The following VBP1 variants were observed in gnomAD, a reference collection of about 807,000 sequenced individuals.
VBP1 encodes VHL binding protein 1.
Under a neutral mutation model 15.5 loss-of-function variants are expected in VBP1, and 4 were observed. The ratio of observed to expected loss-of-function variants is 0.26; its 90% CI spans 0.13 to 0.59. The LOEUF (loss-of-function observed/expected upper bound fraction) is 0.59. Ranked by LOEUF, VBP1 falls within the 20% of genes least tolerant of loss-of-function variation. The pLI, the probability that VBP1 is intolerant of heterozygous loss-of-function variation, is 0.90. For missense variants in VBP1, 108 were observed against 139.6 expected (o/e 0.77, Z 1.14); for synonymous variants, 61 against 52.1 (o/e 1.17, Z -0.74).
chrX:155,211,958 T>G (rs1432024930), upstream of VBP1, among the ~76,000 whole-genome samples: 3 of 112,288 alleles, frequency 2.7e-5, no homozygotes, highest in Non-Finnish European at 5.6e-5. Flanking sequence ...GAGGGCTTAC[T>G]AGGTACTGGG....
rs1602900682 is a variant in VBP1, at chrX:155,239,300, T to C, written c.*458T>C. On this transcript the variant is annotated 3_prime_UTR_variant, in exon 6 of 6. Coordinates refer to ENST00000286428, the MANE Select transcript of VBP1 (RefSeq NM_003372.7). ...AGGACTTAGTGGTCCTCTGTTGCTA[T>C]TGTCTTCTATAAGTGGAGTTTCATG... The C allele has an allele frequency of 8.9e-6, 1 of 112,736 alleles. No individual in the cohort carries two copies. The highest frequency in any genetic ancestry group is 3.2e-5 in the African/African-American group (1 of 30,839). 9.3% of individuals were successfully genotyped at this position (112,736 alleles called of 1,213,427 possible). A position where few individuals can be genotyped will look rare whatever the true frequency, so the allele number is the denominator to read the frequency against.
chrX:155,216,054 T>TCGTGATGG (rs1557308968), upstream of VBP1, among the ~76,000 whole-genome samples: 1 of 110,193 alleles, frequency 9.1e-6, no homozygotes, highest in African/African-American at 3.3e-5. Context: ...GGCTGAACCC[T>TCGTGATGG]CGTGATGGCG....
chrX:155,212,084 T>C (rs782192773), upstream of VBP1, among the ~76,000 whole-genome samples: 1 of 112,208 alleles, frequency 8.9e-6, no homozygotes, highest in South Asian at 3.7e-4. Context: ...AGTGTTAAAG[T>C]AACTAACCTA....
intron 1 of VBP1, among the ~76,000 whole-genome samples, chrX:155,208,453 A>C: frequency 8.9e-6 from 1 of 112,333 alleles, no homozygotes; most frequent in Non-Finnish European, 1.9e-5. Context: ...TGTTCATACT[A>C]AAGTATTTCA....
chrX:155,238,898 T>TGTAAGGATAAAGGGGTA lies in VBP1; in HGVS notation c.*56_*57insGTAAGGATAAAGGGGTA. The TGTAAGGATAAAGGGGTA allele has an allele frequency of 2.1e-6, 2 of 956,729 alleles. No homozygotes were observed. Among genetic ancestry groups the TGTAAGGATAAAGGGGTA allele is most frequent in the Non-Finnish European group, 2.9e-6 (2 of 698,738 alleles). 78.8% of individuals were successfully genotyped at this position (956,729 alleles called of 1,213,427 possible). On this transcript the variant is annotated 3_prime_UTR_variant, in exon 6 of 6. Coordinates refer to ENST00000286428, the MANE Select transcript of VBP1 (RefSeq NM_003372.7). Reference sequence around the variant, plus strand: ...CCAAACATGTTATCTTAAATACCCCTTTATCCTTACAGGTTGACATAACTT... The same window carrying TGTAAGGATAAAGGGGTA: ...CCAAACATGTTATCTTAAATACCCCTGTAAGGATAAAGGGGTATTATCCTTACAGGTTGACATAACTT...
chrX:155,225,198 C>G (rs1324359576), intron 2 of VBP1, among the ~76,000 whole-genome samples: 1 of 111,257 alleles, frequency 9.0e-6, no homozygotes, highest in Non-Finnish European at 1.9e-5. Context: ...CTACTTTGGC[C>G]AGTAATGTAC....
chrX:155,203,086 C>T (rs1403769014), intron 1 of VBP1, among the ~76,000 whole-genome samples: 2 of 111,684 alleles, frequency 1.8e-5, no homozygotes, highest in Non-Finnish European at 3.8e-5. Context: ...GTTAGAATGG[C>T]GATCATTAAA....
chrX:155,216,747 G>T (rs2074666568), intron 1 of VBP1, among the ~76,000 whole-genome samples, 172 bp downstream of exon 1: 1 of 112,020 alleles, frequency 8.9e-6, no homozygotes, highest in African/African-American at 3.2e-5. Context: ...TCTGCTGGGG[G>T]CCCGCCCGGA....
intron 4 of VBP1, among the ~76,000 whole-genome samples, chrX:155,232,343 G>C (rs1213420053): frequency 9.1e-6 from 1 of 109,589 alleles, no homozygotes; most frequent in African/African-American, 3.3e-5. Flanking sequence ...TTTTGTGGTA[G>C]CTCTTAGAAG....
chrX:155,208,800 T>A, intron 1 of VBP1: 1 of 599,829 alleles, frequency 1.7e-6, no homozygotes, highest in Middle Eastern at 3.4e-4. Context: ...CTTGTTCTCA[T>A]GGTACTATTG....
intron 2 of VBP1, among the ~76,000 whole-genome samples, chrX:155,211,365 A>G (rs782389986): frequency 4.4e-5 from 5 of 112,421 alleles, no homozygotes; most frequent in Middle Eastern, 9.2e-3. Flanking sequence ...TGATTCACAC[A>G]GTCAATAAAT....
At chrX:155,210,301 G>T (rs1294650516) in intron 2 of VBP1, among the ~76,000 whole-genome samples, 1 of 111,159 alleles carries the variant, frequency 9.0e-6, no homozygotes, top group East Asian at 2.8e-4. Flanking sequence ...ACAAAATAAA[G>T]AAATTAGCTG....
Position 155,228,396 on chromosome X carries a change from T to A in VBP1, c.298T>A (p.Ser100Thr), listed in dbSNP as rs2124087505. Residue 100 changes from serine to threonine, a missense_variant, in exon 4 of 6, where the codon TCA (serine) becomes ACA (threonine). By Grantham distance (58) the Ser-to-Thr change is moderately conservative. Transcript: ENST00000286428. ...TTTTGTTTTGAAGGAGTCCACCAAC[T>A]CAATGGAGACCAGATTCTTGCTGGC... ...YMQKKKESTN[S>T]METRFLLADN... is the part of the protein sequence containing the mutation. 1 of 1,203,993 alleles carries A rather than the reference T, an allele frequency of 8.3e-7. No homozygotes were observed. Among genetic ancestry groups the A allele is most frequent in the Non-Finnish European group, 1.1e-6 (1 of 890,867 alleles).
intron 1 of VBP1, among the ~76,000 whole-genome samples, chrX:155,203,979 T>C (rs1018842859): frequency 9.0e-6 from 1 of 111,547 alleles, no homozygotes; most frequent in Non-Finnish European, 1.9e-5. Flanking sequence ...TGCACAGCTA[T>C]CGGACCTTGT....
intron 1 of VBP1, among the ~76,000 whole-genome samples, chrX:155,204,163 T>C (rs2074618024): frequency 9.0e-6 from 1 of 111,401 alleles, no homozygotes; most frequent in Non-Finnish European, 1.9e-5. Flanking sequence ...TGAAAACATT[T>C]TTTTTTTGAG....
In VBP1 at chrX:155,234,109, G is replaced by GTTT. The variant is rs35367656; in HGVS notation, c.385-2093_385-2091dup. Among the ~76,000 whole-genome samples, 52 of 28,695 alleles carry GTTT rather than the reference G, an allele frequency of 1.8e-3. 1 individual carries two copies. Among genetic ancestry groups the GTTT allele is most frequent in the African/African-American group, 6.9e-3 (49 of 7,096 alleles). 24.9% of individuals were successfully genotyped at this position (28,695 alleles called of 115,157 possible). ...GAGTTTTCACTTTAGTTGTTCCTCT[G>GTTT]TTTTTTTTTTTTTTTTTTTTTTTTT... On this transcript the variant is annotated intron_variant, in intron 4 of 5. Coordinates refer to ENST00000286428, the MANE Select transcript of VBP1 (RefSeq NM_003372.7).
chrX:155,202,637 C>A (rs1226631138), intron 1 of VBP1, among the ~76,000 whole-genome samples: 1 of 107,242 alleles, frequency 9.3e-6, no homozygotes, highest in African/African-American at 3.5e-5. Flanking sequence ...AAACGTTAGA[C>A]CTAAAACCAT....
chrX:155,215,753 G>C (rs1324033068), upstream of VBP1, among the ~76,000 whole-genome samples: 2 of 112,124 alleles, frequency 1.8e-5, no homozygotes, highest in Non-Finnish European at 3.8e-5. Context: ...ACTTGGTTCT[G>C]TATGACACAT....
intron 1 of VBP1, among the ~76,000 whole-genome samples, chrX:155,200,745 G>T (rs1298571822): frequency 1.9e-5 from 2 of 107,622 alleles, no homozygotes; most frequent in Non-Finnish European, 3.8e-5. Context: ...CAGAAGGCAA[G>T]AAATAACTAA....
Sources: gnomAD v4.1 joint callset for allele counts (sites outside exome capture counted in the v4.1 genomes callset) on GRCh38, gnomAD v4.1.1 for gene constraint, MANE v1.5 for transcripts, NCBI Gene and HGNC (gene_info 2026-07-23, HGNC 2026-07-21) for gene names.